Variants in NRG3 observed in about 807,000 individuals in gnomAD.
NRG3 encodes the protein pro-neuregulin-3, membrane-bound isoform.
Under a neutral mutation model 66.9 loss-of-function variants are expected in NRG3, and 31 were observed. The ratio of observed to expected loss-of-function variants is 0.46; its 90% confidence interval spans 0.35 to 0.63. NRG3 has a LOEUF of 0.63. NRG3 is among the 20% of genes least tolerant of loss of function. The pLI is 0.00. For missense variants in NRG3, 910 were observed against 878.9 expected, an observed-to-expected ratio of 1.04 and a Z score of -0.45; for synonymous variants, 393 against 359.4, an observed-to-expected ratio of 1.09 and a Z score of -1.06.
At chr10:82,650,612 A>G (rs950515424) in intron 2 of NRG3, among the ~76,000 whole-genome samples, 1 of 152,188 alleles carries the variant, frequency 6.6e-6, no homozygotes, top group Non-Finnish European at 1.5e-5. Flanking sequence ...TACTGATTGC[A>G]TGTCATGGAA....
At chr10:82,440,075 C>T (rs1342500696) in intron 2 of NRG3, among the ~76,000 whole-genome samples, 2 of 152,088 alleles carry the variant, frequency 1.3e-5, no homozygotes, top group East Asian at 3.9e-4. Flanking sequence ...GCCATGTGGG[C>T]ATTAGGACAT....
chr10:82,568,869 G>T (rs2045570195), intron 2 of NRG3, among the ~76,000 whole-genome samples: 1 of 151,634 alleles, frequency 6.6e-6, no homozygotes, highest in African/African-American at 2.4e-5. Context: ...GTCTGTCCAA[G>T]CAGAATTATT....
intron 4 of NRG3, among the ~76,000 whole-genome samples, chr10:82,929,490 A>C (rs1320035334): frequency 1.3e-5 from 2 of 152,202 alleles, no homozygotes; most frequent in African/African-American, 4.8e-5. Context: ...ATTTTATTCC[A>C]ACTATGAGCT....
At chr10:82,134,398 T>C (rs1418705958) in intron 1 of NRG3, among the ~76,000 whole-genome samples, 2 of 152,176 alleles carry the variant, frequency 1.3e-5, no homozygotes, top group Admixed American at 1.3e-4. Context: ...TGGGGTTTTA[T>C]ATTTACACCT....
intron 1 of NRG3, among the ~76,000 whole-genome samples, chr10:81,932,159 A>T (rs1291827561): frequency 6.6e-6 from 1 of 151,730 alleles, no homozygotes; most frequent in Non-Finnish European, 1.5e-5. Context: ...AAAGCAGGAG[A>T]GAGAGATTGA....
intron 1 of NRG3, among the ~76,000 whole-genome samples, chr10:82,138,263 C>T (rs1233241549): frequency 2.6e-5 from 4 of 151,908 alleles, no homozygotes; most frequent in Non-Finnish European, 4.4e-5. Flanking sequence ...AACATTTTTC[C>T]TGGGGGAAAA....
intron 1 of NRG3, among the ~76,000 whole-genome samples, chr10:82,179,759 T>A (rs2133210497): frequency 6.6e-6 from 1 of 152,012 alleles, no homozygotes; most frequent in East Asian, 1.9e-4. Flanking sequence ...TCTTTTCTTT[T>A]ATTTCTGTAA....
chr10:82,826,491 G>C (rs544706190), intron 3 of NRG3, among the ~76,000 whole-genome samples: 8 of 152,160 alleles, frequency 5.3e-5, no homozygotes, highest in Admixed American at 3.3e-4. Context: ...TGGGTGTTAG[G>C]AAACACACAT....
rs527973208 is a variant in NRG3, at chr10:82,780,287, G to A, written c.1027+41637G>A. Among the ~76,000 whole-genome samples, 7 of 152,034 alleles carry A rather than the reference G, an allele frequency of 4.6e-5. No homozygotes were observed. The South Asian group carries it at 1.0e-3, about 23-fold the overall frequency. On this transcript the variant is annotated intron_variant, in intron 3 of 8. Coordinates refer to ENST00000372141, the MANE Select transcript of NRG3 (RefSeq NM_001010848.4). The stretch of plus-strand genomic sequence containing the variant: ...GTATTTCTAGTACTAGATCCTTGAG[G>A]ATCACCACACTGTCTTCCACAATGG...
intron 1 of NRG3, among the ~76,000 whole-genome samples, chr10:82,298,568 A>T (rs2134723772): frequency 6.6e-6 from 1 of 152,228 alleles, no homozygotes; most frequent in South Asian, 2.1e-4. Context: ...ATCCATTGAG[A>T]TGGAATATAA....
intron 1 of NRG3, among the ~76,000 whole-genome samples, chr10:82,085,151 T>C (rs2133450708): frequency 6.6e-6 from 1 of 152,250 alleles, no homozygotes; most frequent in East Asian, 1.9e-4. Flanking sequence ...TCCTCCTCTC[T>C]ACATCCTCCT....
At chr10:82,488,554 CT>C (rs781510012) in intron 2 of NRG3, among the ~76,000 whole-genome samples, 2 of 152,172 alleles carry the variant, frequency 1.3e-5, no homozygotes, top group Non-Finnish European at 2.9e-5. Flanking sequence ...GTAGCTCCAA[CT>C]TTAGTCTGAA....
chr10:82,746,430 T>G (rs1009127400), intron 3 of NRG3, among the ~76,000 whole-genome samples: 13 of 152,158 alleles, frequency 8.5e-5, no homozygotes, highest in African/African-American at 3.1e-4. Flanking sequence ...TCCCAACTGG[T>G]TCTCGGTTCT....
At chr10:82,684,968 C>T (rs2134153924) in intron 2 of NRG3, among the ~76,000 whole-genome samples, 1 of 152,120 alleles carries the variant, frequency 6.6e-6, no homozygotes, top group Admixed American at 6.5e-5. Flanking sequence ...TATCTCTCAG[C>T]AGGGAAAAAT....
chr10:82,285,824 T>G lies in NRG3; in HGVS notation c.824-72915T>G, dbSNP rs1044360413. 5.3e-5 allele frequency among the ~76,000 whole-genome samples: 8 copies of G among 152,216 alleles called. No individual in the cohort carries two copies. The East Asian group carries it at 1.5e-3, about 29-fold the overall frequency. ...CACTCACCTTCTTTTTATTTAGCTT[T>G]CCAACCACAAGTCAGAGCTGCCCTA... On this transcript the variant is annotated intron_variant, in intron 1 of 8. Transcript: ENST00000372141.
intron 2 of NRG3, among the ~76,000 whole-genome samples, chr10:82,593,197 A>C (rs977367140): frequency 6.6e-6 from 1 of 152,160 alleles, no homozygotes; most frequent in Non-Finnish European, 1.5e-5. Context: ...GAGTTGTAAG[A>C]GTAGTGACCC....
chr10:82,664,235 G>A (rs2052588035), intron 2 of NRG3, among the ~76,000 whole-genome samples: 2 of 152,008 alleles, frequency 1.3e-5, no homozygotes, highest in South Asian at 4.1e-4. Flanking sequence ...AAATAATACT[G>A]CCATACAATT....
At chr10:82,042,847 A>G (rs115825123) in intron 1 of NRG3, among the ~76,000 whole-genome samples, 43 of 152,196 alleles carry the variant, frequency 2.8e-4, no homozygotes, top group African/African-American at 9.9e-4. Flanking sequence ...TGCTAGGTCA[A>G]CGTATTTTGA....
chr10:82,770,099 ATAT>A (rs1483497562), intron 3 of NRG3, among the ~76,000 whole-genome samples: 1 of 152,112 alleles, frequency 6.6e-6, no homozygotes, highest in African/African-American at 2.4e-5. Flanking sequence ...ATGAGTCATT[ATAT>A]TATTCTTATT....
Sources: allele counts gnomAD v4.1 joint callset (sites outside exome capture counted in the v4.1 genomes callset), GRCh38; gene constraint gnomAD v4.1.1; transcripts MANE v1.5; gene names NCBI Gene and HGNC (gene_info 2026-07-23, HGNC 2026-07-21).